The following ESRRG variants were observed in gnomAD, a reference collection of about 807,000 sequenced individuals.
The protein encoded by ESRRG is estrogen-related receptor gamma.
A neutral mutation model predicts 44.0 loss-of-function variants in ESRRG; 13 were observed. The observed-to-expected ratio is 0.30, with a 90% CI of 0.19 to 0.47. The LOEUF (loss-of-function observed/expected upper bound fraction) is 0.47. ESRRG is among the 20% of genes least tolerant of loss of function. ESRRG has a pLI of 1.00. For synonymous variants in ESRRG, 215 were observed against 214.6 expected (o/e 1.00, Z -0.02); for missense variants, 395 against 580.6 (o/e 0.68, Z 3.29).
intron 1 of ESRRG, among the ~76,000 whole-genome samples, chr1:216,962,029 C>T (rs995028618): frequency 2.0e-5 from 3 of 147,724 alleles, no homozygotes; most frequent in Non-Finnish European, 4.5e-5. Context: ...TATAGTCACA[C>T]ATGACATAAT....
intron 1 of ESRRG, among the ~76,000 whole-genome samples, chr1:216,707,819 G>A (rs2082743354): frequency 6.6e-6 from 1 of 152,154 alleles, no homozygotes; most frequent in Admixed American, 6.5e-5. Context: ...GATGCAATGT[G>A]AGACTATAAG....
upstream of ESRRG, among the ~76,000 whole-genome samples, chr1:217,090,036 T>TA (rs541608195): frequency 7.2e-5 from 11 of 152,196 alleles, no homozygotes; most frequent in East Asian, 1.9e-4. Context: ...TATATTTTTC[T>TA]AAAAAAAATT....
rs397860904 is a variant in ESRRG at position 216,932,719 on chromosome 1, G to GTT, written c.-14+6861_-14+6862dup. On this transcript the variant is annotated intron_variant, in intron 2 of 7. Transcript: ENST00000359162. ...GATACAGGTACATGCCACCAAACTT[G>GTT]TTTTTTTTTTTTTTTTTTTTTTTTT... is the stretch of plus-strand genomic sequence containing the variant. Among the ~76,000 whole-genome samples, 299 of 70,322 alleles carry GTT rather than the reference G, an allele frequency of 4.3e-3. 6 individuals are homozygous for GTT. Among genetic ancestry groups the GTT allele is most frequent in the Non-Finnish European group, 6.2e-3 (234 of 37,604 alleles). 46.1% of individuals were successfully genotyped at this position (70,322 alleles called of 152,430 possible). A position where few individuals can be genotyped will look rare whatever the true frequency, so the allele number is the denominator to read the frequency against.
At chr1:217,083,317 G>GAGCT (rs757816746) in intron 1 of ESRRG, among the ~76,000 whole-genome samples, 1 of 152,164 alleles carries the variant, frequency 6.6e-6, no homozygotes, top group Non-Finnish European at 1.5e-5. Flanking sequence ...CACAGATACT[G>GAGCT]AGCTCATTTA....
At chr1:216,612,936 A>T (rs1290744698) in intron 3 of ESRRG, among the ~76,000 whole-genome samples, 1 of 152,220 alleles carries the variant, frequency 6.6e-6, no homozygotes, top group Non-Finnish European at 1.5e-5. Context: ...GGATGATTCA[A>T]CTGGTCTTCA....
At chr1:217,131,180 T>G (rs988204280) in intron 1 of ESRRG, among the ~76,000 whole-genome samples, 11 of 152,198 alleles carry the variant, frequency 7.2e-5, no homozygotes, top group Admixed American at 3.3e-4. Context: ...AGGTCCAATT[T>G]CCTGAAGCTA....
chr1:216,868,146 G>A (rs1403610145), intron 2 of ESRRG, among the ~76,000 whole-genome samples: 1 of 136,358 alleles, frequency 7.3e-6, no homozygotes, highest in Non-Finnish European at 1.5e-5. Context: ...GGAGTGGAAT[G>A]GAGCGATCTG....
At chr1:217,087,109 A>T (rs756705798) in intron 1 of ESRRG, among the ~76,000 whole-genome samples, 1 of 152,200 alleles carries the variant, frequency 6.6e-6, no homozygotes, top group Non-Finnish European at 1.5e-5. Flanking sequence ...TGTGCAGAAG[A>T]AAAAAGAGAC....
Position 216,616,442 on chromosome 1 carries a change from A to T in ESRRG, c.589+34531T>A, listed in dbSNP as rs181581143. Among the ~76,000 whole-genome samples the T allele has an allele frequency of 4.0e-3, 606 of 152,344 alleles. 8 individuals carry two copies. Among genetic ancestry groups the T allele is most frequent in the African/African-American group, 0.014 (562 of 41,576 alleles). ...AAAACAAGCGTGTCTGATTAAAAAA[A>T]TTTTAGAAAGGTTGATTTGTTTCCC... On this transcript the variant is annotated intron_variant, in intron 3 of 6. Coordinates refer to ENST00000408911, the MANE Select transcript of ESRRG (RefSeq NM_001438.4).
chr1:216,974,046 T>C (rs974609604), intron 1 of ESRRG, among the ~76,000 whole-genome samples: 15 of 152,152 alleles, frequency 9.9e-5, no homozygotes, highest in Non-Finnish European at 2.2e-4. Flanking sequence ...GTGTAACTTT[T>C]GAGCTTACAA....
At chr1:216,788,825 A>G (rs938723028) in intron 2 of ESRRG, among the ~76,000 whole-genome samples, 2 of 152,112 alleles carry the variant, frequency 1.3e-5, no homozygotes, top group African/African-American at 4.8e-5. Flanking sequence ...ATTAACAGGA[A>G]TTTGGAAGAA....
chr1:217,137,335 G>A (rs542609669), intron 1 of ESRRG, among the ~76,000 whole-genome samples: 1 of 152,228 alleles, frequency 6.6e-6, no homozygotes, highest in Admixed American at 6.5e-5. Context: ...AAGTTACTCT[G>A]TCCCAGAATC....
chr1:217,096,820 T>C (rs1287997657), intron 1 of ESRRG, among the ~76,000 whole-genome samples: 1 of 152,218 alleles, frequency 6.6e-6, no homozygotes, highest in Non-Finnish European at 1.5e-5. Flanking sequence ...AGTTATTTTT[T>C]TATTCCTAGT....
chr1:217,136,467 C>T (rs2093051669), intron 1 of ESRRG, among the ~76,000 whole-genome samples: 1 of 152,192 alleles, frequency 6.6e-6, no homozygotes, highest in Non-Finnish European at 1.5e-5. Flanking sequence ...ACCCGGGTCA[C>T]GTCATCGCTT....
intron 5 of ESRRG, among the ~76,000 whole-genome samples, chr1:216,554,390 G>T (rs2057074907): frequency 6.6e-6 from 1 of 151,692 alleles, no homozygotes. Context: ...GGAGGTGGAG[G>T]TTGCAATGAG....
At chr1:217,095,303 T>C (rs1156640008) in intron 1 of ESRRG, among the ~76,000 whole-genome samples, 2 of 152,252 alleles carry the variant, frequency 1.3e-5, no homozygotes, top group Non-Finnish European at 2.9e-5. Context: ...ATTTTCAAGG[T>C]ATTTTACTTA....
chr1:216,645,373 T>C (rs968635382), intron 3 of ESRRG, among the ~76,000 whole-genome samples: 2 of 152,022 alleles, frequency 1.3e-5, no homozygotes, highest in Admixed American at 6.6e-5. Context: ...TAATTATAAG[T>C]CTCTTGGTGT....
chr1:216,634,795 A>T (rs546430527), intron 3 of ESRRG, among the ~76,000 whole-genome samples: 11 of 152,322 alleles, frequency 7.2e-5, no homozygotes, highest in Admixed American at 7.2e-4. Context: ...TTGGTGGGTT[A>T]CAGAGAAAGA....
At position 216,677,159 on chromosome 1, in the gene ESRRG, A is replaced by G; in HGVS notation, c.389T>C (p.Val130Ala). 1 of 1,614,102 alleles carries G rather than the reference A, an allele frequency of 6.2e-7. No homozygotes were observed. Among genetic ancestry groups the G allele is most frequent in the Non-Finnish European group, 8.5e-7 (1 of 1,179,976 alleles). The stretch of plus-strand genomic sequence containing the variant: ...GTACCCAGAAGCGATGTCACCACAC[A>G]CTAAACACAGTCTCTTGGGCATCGA... Reference protein sequence around the residue: ...LNSMPKRLCLVCGDIASGYHY... With the variant: ...LNSMPKRLCLACGDIASGYHY... The change falls in exon 2 of 7, where the codon GTG becomes GCG. Residue 130 changes from valine to alanine, a missense_variant. Physicochemically the swap from Val to Ala is moderately conservative, Grantham distance 64 (BLOSUM62 0). This residue lies in a region of ESRRG where 35 missense variants were observed against 120.1 expected (regional missense o/e 0.29). Transcript: ENST00000408911.
Sources: gnomAD v4.1 joint callset for allele counts (sites outside exome capture counted in the v4.1 genomes callset) on GRCh38, gnomAD v4.1.1 for gene constraint, gnomAD v4.1.1 regional missense constraint, MANE v1.5 for transcripts, NCBI Gene and HGNC (gene_info 2026-07-23, HGNC 2026-07-21) for gene names.